Variants in SMURF1 observed in about 807,000 individuals in gnomAD.
SMURF1 encodes SMAD specific E3 ubiquitin protein ligase 1, also known as E3 ubiquitin-protein ligase SMURF1.
A neutral mutation model predicts 98.0 loss-of-function variants in SMURF1; 44 were observed. The observed-to-expected ratio is 0.45, with a 90% CI of 0.35 to 0.58. SMURF1 has a LOEUF of 0.58. Among genes scored for constraint, SMURF1 ranks in the 20% least tolerant of loss-of-function variants. SMURF1 has a pLI of 0.00. For missense variants in SMURF1, 687 were observed against 938.4 expected, an observed-to-expected ratio of 0.73 and a Z score of 3.50; for synonymous variants, 396 against 374.9, an observed-to-expected ratio of 1.06 and a Z score of -0.65.
At chr7:99,075,426 A>C (rs1275017710) in intron 1 of SMURF1, among the ~76,000 whole-genome samples, 1 of 152,182 alleles carries the variant, frequency 6.6e-6, no homozygotes, top group African/African-American at 2.4e-5. Context: ...CAAATTACTG[A>C]ACCTGCAAAG....
chr7:99,032,838 T>C (rs569230368), intron 17 of SMURF1, 199 bp downstream of exon 17: 1 of 777,660 alleles, frequency 1.3e-6, no homozygotes, highest in Admixed American at 2.3e-5. Flanking sequence ...GGAAAGTCTC[T>C]TGCTTGAGGG....
At chr7:99,137,542 C>T (rs1409007808) in intron 1 of SMURF1, among the ~76,000 whole-genome samples, 2 of 152,244 alleles carry the variant, frequency 1.3e-5, no homozygotes, top group South Asian at 2.1e-4. Flanking sequence ...AGCTTCGTGA[C>T]ATGCTCCTCC....
intron 16 of SMURF1, among the ~76,000 whole-genome samples, chr7:99,033,652 C>T (rs1367815594): frequency 6.6e-6 from 1 of 152,220 alleles, no homozygotes; most frequent in Non-Finnish European, 1.5e-5. Flanking sequence ...AGAGCAAGGA[C>T]TGCTAAGGCC....
intron 10 of SMURF1, among the ~76,000 whole-genome samples, 183 bp downstream of exon 10, chr7:99,047,501 C>T (rs1292035382): frequency 6.6e-6 from 1 of 152,218 alleles, no homozygotes. Context: ...CTGCACTTCC[C>T]TTAGTAATAA....
intron 1 of SMURF1, among the ~76,000 whole-genome samples, chr7:99,124,017 CTACTGG>C (rs1490284590): frequency 2.0e-5 from 3 of 152,168 alleles, no homozygotes; most frequent in African/African-American, 7.2e-5. Flanking sequence ...TTGGCCAAGG[CTACTGG>C]TATGTGGTGG....
intron 1 of SMURF1, among the ~76,000 whole-genome samples, chr7:99,079,531 G>A (rs929211072): frequency 6.6e-6 from 1 of 152,212 alleles, no homozygotes; most frequent in Non-Finnish European, 1.5e-5. Context: ...TCGTAAAACA[G>A]AGACTACATA....
At chr7:99,046,950 C>T (rs897139764) in intron 10 of SMURF1, among the ~76,000 whole-genome samples, 1 of 152,178 alleles carries the variant, frequency 6.6e-6, no homozygotes, top group Non-Finnish European at 1.5e-5. Context: ...TCCCTCGGCC[C>T]CCCAGTGCTC....
chr7:99,085,072 C>T (rs919702790), intron 1 of SMURF1, among the ~76,000 whole-genome samples: 2 of 152,036 alleles, frequency 1.3e-5, no homozygotes, highest in Non-Finnish European at 2.9e-5. Flanking sequence ...TCCTGGTGGC[C>T]GGGCACGGTG....
At chr7:99,063,241 T>TTTTATA (rs1796084918) in intron 1 of SMURF1, among the ~76,000 whole-genome samples, 2 of 34,894 alleles carry the variant, frequency 5.7e-5, no homozygotes, top group African/African-American at 1.2e-4. Flanking sequence ...TAAGATTTAT[T>TTTTATA]TATATATATA....
intron 1 of SMURF1, among the ~76,000 whole-genome samples, chr7:99,062,674 C>T (rs975332614): frequency 1.3e-5 from 2 of 152,118 alleles, no homozygotes; most frequent in African/African-American, 4.8e-5. Flanking sequence ...CATGGAGAAA[C>T]TCCATCTCTA....
intron 1 of SMURF1, among the ~76,000 whole-genome samples, chr7:99,123,028 G>C (rs1797675076): frequency 6.6e-6 from 1 of 151,478 alleles, no homozygotes; most frequent in East Asian, 1.9e-4. Context: ...CCTGAGGACA[G>C]AGCCAAACAG....
Position 99,063,273 on chromosome 7 carries a change from A to T in SMURF1, c.56-1436T>A, listed in dbSNP as rs1408557131. On this transcript the variant is annotated intron_variant, in intron 1 of 17. Coordinates refer to ENST00000361368, the MANE Select transcript of SMURF1 (RefSeq NM_181349.3). ...TATATATATATATATATATATATAT[A>T]TATATATATATATATATATATATAT... Among the ~76,000 whole-genome samples, 44 of 12,862 alleles carry T rather than the reference A, an allele frequency of 3.4e-3. 6 individuals are homozygous for T. The highest frequency in any genetic ancestry group is 7.7e-3 in the Non-Finnish European group (33 of 4,260). 8.4% of individuals were successfully genotyped at this position (12,862 alleles called of 152,430 possible).
Position 99,140,936 on chromosome 7 carries a change from A to G in SMURF1, c.55+2790T>C, listed in dbSNP as rs1481051607. Among the ~76,000 whole-genome samples the G allele has an allele frequency of 2.6e-5, 4 of 152,214 alleles. No individual in the cohort carries two copies. The East Asian group carries it at 7.7e-4, about 29-fold the overall frequency. On this transcript the variant is annotated intron_variant, in intron 1 of 17. Transcript: ENST00000361368. ...AACCAGAAAGATGAGACTAAAACCT[A>G]TTCCACCGTCAACAAACTTCTAGTT... is the stretch of plus-strand genomic sequence containing the variant.
chr7:99,111,790 T>G (rs1453513333), intron 1 of SMURF1, among the ~76,000 whole-genome samples: 1 of 152,120 alleles, frequency 6.6e-6, no homozygotes, highest in Non-Finnish European at 1.5e-5. Context: ...GCAGAACATA[T>G]CTTATTCTCA....
intron 1 of SMURF1, among the ~76,000 whole-genome samples, 171 bp downstream of exon 1, chr7:99,143,555 G>A (rs1178164524): frequency 7.0e-6 from 1 of 141,890 alleles, no homozygotes; most frequent in Non-Finnish European, 1.6e-5. Flanking sequence ...CCGGGCAACG[G>A]CGAGGGGGCG....
At chr7:99,118,681 G>A (rs1201847497) in intron 1 of SMURF1, among the ~76,000 whole-genome samples, 1 of 152,142 alleles carries the variant, frequency 6.6e-6, no homozygotes, top group Non-Finnish European at 1.5e-5. Context: ...GGTTTCTTTT[G>A]GGGGTGATGA....
chr7:99,073,698 T>G (rs1796387606), intron 1 of SMURF1, among the ~76,000 whole-genome samples: 1 of 150,724 alleles, frequency 6.6e-6, no homozygotes, highest in Non-Finnish European at 1.5e-5. Flanking sequence ...CCCAGGGGGC[T>G]GAGGTTGCAC....
At chr7:99,102,671 C>A (rs185228728) in intron 1 of SMURF1, among the ~76,000 whole-genome samples, 1 of 152,236 alleles carries the variant, frequency 6.6e-6, no homozygotes, top group Non-Finnish European at 1.5e-5. Flanking sequence ...AAGAATAACA[C>A]ATGCAAAAAA....
At chr7:99,079,358 A>G (rs1187869461) in intron 1 of SMURF1, among the ~76,000 whole-genome samples, 1 of 152,234 alleles carries the variant, frequency 6.6e-6, no homozygotes, top group African/African-American at 2.4e-5. Context: ...TCCGGTACAC[A>G]GCATAAGAGT....
Sources: allele counts gnomAD v4.1 joint callset (sites outside exome capture counted in the v4.1 genomes callset), GRCh38; gene constraint gnomAD v4.1.1; transcripts MANE v1.5; gene names NCBI Gene and HGNC (gene_info 2026-07-23, HGNC 2026-07-21).